The following PATJ variants were observed in gnomAD, a reference collection of about 807,000 sequenced individuals.
PATJ encodes PATJ crumbs cell polarity complex component, also known as inaD-like protein.
Under a neutral mutation model 224.9 loss-of-function variants are expected in PATJ, and 190 were observed. The ratio of observed to expected loss-of-function variants is 0.84; its 90% CI spans 0.75 to 0.95. The LOEUF is 0.95. PATJ is among the 40% of genes least tolerant of loss of function. The probability of loss-of-function intolerance (pLI) is 0.00; values close to 1 mark genes in which losing one functional copy is unlikely to be tolerated. For missense variants in PATJ, 2,121 were observed against 2,270.3 expected, an observed-to-expected ratio of 0.93 and a Z score of 1.34; for synonymous variants, 769 against 820.3, an observed-to-expected ratio of 0.94 and a Z score of 1.07.
intron 43 of PATJ, among the ~76,000 whole-genome samples, chr1:62,157,440 G>A (rs753367296): frequency 6.7e-5 from 10 of 148,734 alleles, no homozygotes; most frequent in Non-Finnish European, 1.3e-4. Context: ...ATGATCACTG[G>A]CACTTTGGGC....
intron 33 of PATJ, among the ~76,000 whole-genome samples, chr1:62,088,515 C>T (rs1235653553): frequency 6.6e-6 from 1 of 152,106 alleles, no homozygotes; most frequent in African/African-American, 2.4e-5. Flanking sequence ...CTGACCATTC[C>T]TCTCTTTTAG....
intron 31 of PATJ, among the ~76,000 whole-genome samples, chr1:62,066,392 T>C (rs2148664590): frequency 6.6e-6 from 1 of 152,136 alleles, no homozygotes; most frequent in Admixed American, 6.5e-5. Flanking sequence ...GGGAACTTTT[T>C]TTTTTTTTTG....
At chr1:61,846,796 G>A (rs1376709466) in intron 17 of PATJ, among the ~76,000 whole-genome samples, 3 of 152,030 alleles carry the variant, frequency 2.0e-5, no homozygotes, top group African/African-American at 7.2e-5. Context: ...ACGGGTTTTC[G>A]CCATGTTGGC....
At chr1:62,082,803 T>C (rs1402191149) in intron 32 of PATJ, among the ~76,000 whole-genome samples, 1 of 152,044 alleles carries the variant, frequency 6.6e-6, no homozygotes, top group East Asian at 1.9e-4. Flanking sequence ...TTTTCAAGCT[T>C]TTGAAAGTGA....
At chr1:61,784,532 C>T (rs1342453108) in intron 7 of PATJ, among the ~76,000 whole-genome samples, 1 of 152,106 alleles carries the variant, frequency 6.6e-6, no homozygotes, top group Non-Finnish European at 1.5e-5. Context: ...TTATCGACAT[C>T]ATTTTAAATT....
At chr1:61,749,189 T>G (rs1293705170) in intron 1 of PATJ, among the ~76,000 whole-genome samples, 4 of 151,614 alleles carry the variant, frequency 2.6e-5, no homozygotes, top group Non-Finnish European at 4.4e-5. Context: ...GCATTTTTAT[T>G]AGAGACAGGG....
intron 7 of PATJ, among the ~76,000 whole-genome samples, chr1:61,784,449 G>A (rs1011067830): frequency 1.3e-5 from 2 of 152,246 alleles, no homozygotes; most frequent in East Asian, 1.9e-4. Context: ...GACTATTTTT[G>A]TACTTATGAA....
chr1:62,126,695 A>G (rs1665753090), intron 39 of PATJ, among the ~76,000 whole-genome samples: 1 of 152,202 alleles, frequency 6.6e-6, no homozygotes, highest in Non-Finnish European at 1.5e-5. Context: ...GTTTTAACGC[A>G]GTCTTTTAAA....
chr1:61,814,109 C>CCAAAATTA (rs1392620138), intron 14 of PATJ, among the ~76,000 whole-genome samples: 1 of 149,598 alleles, frequency 6.7e-6, no homozygotes, highest in Admixed American at 6.7e-5. Context: ...AAAGAGTCAC[C>CCAAAATTA]CAAAATTACA....
Position 62,117,001 on chromosome 1 carries a change from C to G in PATJ, c.4804-131C>G, listed in dbSNP as rs546563386. ...CAGGAGCCACAGAATTCATCCTCCT[C>G]TCTCTAGGGCTATGCCTGTTGCTTT... On this transcript the variant is annotated intron_variant, in intron 36 of 43. Transcript: ENST00000642238. 145 of 708,988 alleles carry G rather than the reference C, an allele frequency of 2.0e-4. No homozygotes were observed. In the Middle Eastern group the frequency reaches 4.8e-3, roughly 23 times the overall value. 43.9% of individuals were successfully genotyped at this position (708,988 alleles called of 1,614,324 possible).
intron 28 of PATJ, among the ~76,000 whole-genome samples, chr1:61,995,019 A>G (rs1645274954): frequency 6.6e-6 from 1 of 152,250 alleles, no homozygotes; most frequent in African/African-American, 2.4e-5. Context: ...TGTATGTAGT[A>G]TAATATCAAA....
intron 31 of PATJ, among the ~76,000 whole-genome samples, chr1:62,064,528 C>T (rs181179448): frequency 6.6e-6 from 1 of 152,200 alleles, no homozygotes; most frequent in East Asian, 1.9e-4. Flanking sequence ...GATGAGGTTT[C>T]ACCATGTTGG....
chr1:61,974,399 CTCTCTCTTT>C (rs1644002934), intron 27 of PATJ, among the ~76,000 whole-genome samples: 1 of 138,310 alleles, frequency 7.2e-6, no homozygotes, highest in Non-Finnish European at 1.5e-5. Context: ...CTCTCTCTCT[CTCTCTCTTT>C]TTTTTTTTTT....
chr1:61,904,845 A>T (rs1473781779), intron 24 of PATJ, among the ~76,000 whole-genome samples: 1 of 152,230 alleles, frequency 6.6e-6, no homozygotes, highest in African/African-American at 2.4e-5. Context: ...AAATGCAATT[A>T]TGCATTATGT....
intron 7 of PATJ, among the ~76,000 whole-genome samples, chr1:61,780,868 G>A (rs1313390785): frequency 1.3e-5 from 2 of 152,186 alleles, no homozygotes; most frequent in African/African-American, 4.8e-5. Flanking sequence ...GCCCAAGTCT[G>A]ATTTTCGCCC....
At chr1:62,038,956 C>T (rs1268819892) in intron 30 of PATJ, 3 of 1,357,548 alleles carry the variant, frequency 2.2e-6, no homozygotes, top group African/African-American at 1.4e-5. Flanking sequence ...GTCAGATGAG[C>T]ATGCTGGAGT....
At position 61,878,244 on chromosome 1, in the gene PATJ, C is replaced by T. The variant is rs190174623; in HGVS notation, c.2959+2878C>T. Among the ~76,000 whole-genome samples, 118 of 152,188 alleles carry T rather than the reference C, an allele frequency of 7.8e-4. 1 individual carries two copies. Among genetic ancestry groups the T allele is most frequent in the African/African-American group, 2.8e-3 (116 of 41,532 alleles). On this transcript the variant is annotated intron_variant, in intron 21 of 43. Transcript: ENST00000642238. ...GCCCTGGTCCTTCCTCCTCAGTGTC[C>T]TCAGTGAGGGGGAGGCAGACATCAG... is the stretch of plus-strand genomic sequence containing the variant.
chr1:61,781,827 C>G (rs998743222), intron 7 of PATJ, among the ~76,000 whole-genome samples: 4 of 152,200 alleles, frequency 2.6e-5, no homozygotes, highest in African/African-American at 9.7e-5. Flanking sequence ...GCAAAATCAA[C>G]ATGGAAAAGG....
chr1:62,072,966 A>G (rs952556488), intron 31 of PATJ: 4 of 868,370 alleles, frequency 4.6e-6, no homozygotes, highest in Non-Finnish European at 5.5e-6. Flanking sequence ...CTGAAATTGG[A>G]AAGTGCGGTT....
Sources: allele counts gnomAD v4.1 joint callset (sites outside exome capture counted in the v4.1 genomes callset), GRCh38; gene constraint gnomAD v4.1.1; transcripts MANE v1.5; gene names NCBI Gene and HGNC (gene_info 2026-07-23, HGNC 2026-07-21).